The following RAB3C variants were observed in gnomAD, a reference collection of about 807,000 sequenced individuals.
The protein encoded by RAB3C is RAB3C, member RAS oncogene family.
Under a neutral mutation model 26.4 loss-of-function variants are expected in RAB3C, and 17 were observed. The observed-to-expected ratio is 0.64, with a 90% CI of 0.44 to 0.97. The LOEUF is 0.97. RAB3C is among the 50% of genes least tolerant of loss of function. RAB3C has a pLI of 0.00. For synonymous variants in RAB3C, 91 were observed against 95.9 expected (o/e 0.95, Z 0.30); for missense variants, 242 against 281.9 (o/e 0.86, Z 1.01).
At chr5:58,770,495 T>C (rs1374757820) in intron 3 of RAB3C, among the ~76,000 whole-genome samples, 4 of 152,312 alleles carry the variant, frequency 2.6e-5, no homozygotes, top group Admixed American at 2.0e-4. Context: ...GAACCTGTTA[T>C]AAGAAAATGT....
At chr5:58,694,191 T>C (rs1338322737) in intron 2 of RAB3C, among the ~76,000 whole-genome samples, 1 of 152,198 alleles carries the variant, frequency 6.6e-6, no homozygotes, top group African/African-American at 2.4e-5. Flanking sequence ...AGTCTTTGGT[T>C]TCCTGTCCTT....
intron 1 of RAB3C, among the ~76,000 whole-genome samples, chr5:58,613,980 G>A (rs766898546): frequency 1.1e-4 from 17 of 152,090 alleles, no homozygotes; most frequent in Non-Finnish European, 1.6e-4. Flanking sequence ...TTGCTGCTCA[G>A]TGTGAAGGAT....
chr5:58,617,650 C>T lies in RAB3C; in HGVS notation c.32C>T (p.Ser11Phe). 1 of 1,612,678 alleles carries T rather than the reference C, an allele frequency of 6.2e-7. No individual in the cohort carries two copies. Among genetic ancestry groups the T allele is most frequent in the Non-Finnish European group, 8.5e-7 (1 of 1,178,816 alleles). ...GTTTTGTTTTTATCACAGATGGCCT[C>T]TGCCCAAGATGCCAGGTACGGCCAG... MRHEAPMQMA[S>F]AQDARYGQKD... Residue 11 changes from serine (S) to phenylalanine (F), a missense_variant, in exon 2 of 5, where the codon TCT (serine) becomes TTT (phenylalanine). Transcript: ENST00000282878.
chr5:58,584,717 A>G (rs1377844634), intron 1 of RAB3C, among the ~76,000 whole-genome samples: 2 of 152,170 alleles, frequency 1.3e-5, no homozygotes, highest in African/African-American at 4.8e-5. Flanking sequence ...AATAAAAAAG[A>G]TTTCCAAGAA....
At chr5:58,649,772 C>T (rs566801689) in intron 2 of RAB3C, among the ~76,000 whole-genome samples, 23 of 152,184 alleles carry the variant, frequency 1.5e-4, no homozygotes, top group African/African-American at 5.3e-4. Context: ...TCTGGGTGAC[C>T]AATATTATCT....
intron 3 of RAB3C, among the ~76,000 whole-genome samples, chr5:58,797,331 C>A (rs1579923389): frequency 1.1e-5 from 1 of 93,746 alleles, no homozygotes; most frequent in Admixed American, 1.3e-4. Context: ...ATCAGACTCC[C>A]TGGAAGACAA....
intron 4 of RAB3C, among the ~76,000 whole-genome samples, chr5:58,831,708 G>C (rs115832312): frequency 6.6e-6 from 1 of 152,292 alleles, no homozygotes; most frequent in East Asian, 1.9e-4. Context: ...GAATAGCAGG[G>C]ATATCAGGAG....
At chr5:58,805,619 A>G (rs1742924629) in intron 3 of RAB3C, among the ~76,000 whole-genome samples, 1 of 151,746 alleles carries the variant, frequency 6.6e-6, no homozygotes, top group African/African-American at 2.4e-5. Flanking sequence ...GAGAGAGAAA[A>G]AAAGAAAAGG....
chr5:58,851,358 C>A lies in RAB3C; in HGVS notation c.*7C>A, dbSNP rs202223123. ...GCCCAACTGTGCCTGCTAGTGTCCC[C>A]GTGCACACAGGCAGCTCCAGGGGGC... On this transcript the variant is annotated 3_prime_UTR_variant, in exon 5 of 5. Transcript: ENST00000282878. 11 of 1,581,816 alleles carry A rather than the reference C, an allele frequency of 7.0e-6. No individual in the cohort carries two copies. The Admixed American group carries it at 2.1e-4, about 30-fold the overall frequency.
At chr5:58,690,713 T>C (rs1371225867) in intron 2 of RAB3C, among the ~76,000 whole-genome samples, 1 of 152,140 alleles carries the variant, frequency 6.6e-6, no homozygotes, top group Non-Finnish European at 1.5e-5. Flanking sequence ...TACTTTCTGC[T>C]TAGGCTGAGA....
chr5:58,813,460 T>G (rs773216539), intron 3 of RAB3C, among the ~76,000 whole-genome samples: 6 of 151,896 alleles, frequency 4.0e-5, no homozygotes, highest in African/African-American at 7.2e-5. Flanking sequence ...TTATGCACGC[T>G]GCAGGTTGGG....
intron 2 of RAB3C, among the ~76,000 whole-genome samples, chr5:58,630,096 G>C (rs1242139546): frequency 6.6e-6 from 1 of 152,230 alleles, no homozygotes; most frequent in Non-Finnish European, 1.5e-5. Flanking sequence ...AGAGCAGCAA[G>C]AGAGATAGCA....
In RAB3C at chr5:58,756,708, T is replaced by A. The variant is rs1414607358; in HGVS notation, c.371+30588T>A. Among the ~76,000 whole-genome samples, 26 of 139,512 alleles carry A rather than the reference T, an allele frequency of 1.9e-4. No individual in the cohort carries two copies. In the East Asian group the frequency reaches 4.5e-3, roughly 24 times the overall value. 91.5% of individuals were successfully genotyped at this position (139,512 alleles called of 152,430 possible). A position where few individuals can be genotyped will look rare whatever the true frequency, so the allele number is the denominator to read the frequency against. On this transcript the variant is annotated intron_variant, in intron 3 of 4. Coordinates refer to ENST00000282878, the MANE Select transcript of RAB3C (RefSeq NM_138453.4). The stretch of plus-strand genomic sequence containing the variant: ...AAATATGTGATGTTTGGTTTTCTGT[T>A]CCTGTGTTAGCTTGCTGAGGATGAT...
At position 58,691,605 on chromosome 5, in the gene RAB3C, C is replaced by T. The variant is rs567783273; in HGVS notation, c.253-34397C>T. Among the ~76,000 whole-genome samples the T allele has an allele frequency of 8.9e-4, 135 of 152,130 alleles. 3 individuals carry two copies. In the South Asian group the frequency reaches 0.025, roughly 28 times the overall value. On this transcript the variant is annotated intron_variant, in intron 2 of 4. Coordinates refer to ENST00000282878, the MANE Select transcript of RAB3C (RefSeq NM_138453.4). ...TGAGAGACACTGACTGGGACTGAGA[C>T]GGAACAGTCTTGGTACAAAATGTCT...
chr5:58,630,059 A>G (rs1400523789), intron 2 of RAB3C, among the ~76,000 whole-genome samples: 1 of 152,210 alleles, frequency 6.6e-6, no homozygotes, highest in African/African-American at 2.4e-5. Context: ...TCTCACAAAT[A>G]TACCTAACTC....
At chr5:58,768,820 C>T (rs1477603120) in intron 3 of RAB3C, among the ~76,000 whole-genome samples, 15 of 151,992 alleles carry the variant, frequency 9.9e-5, no homozygotes, top group African/African-American at 1.7e-4. Flanking sequence ...CTTTGAGCCA[C>T]GGCTATTCTG....
intron 2 of RAB3C, among the ~76,000 whole-genome samples, chr5:58,700,488 T>G (rs1180873909): frequency 2.0e-5 from 3 of 152,322 alleles, no homozygotes; most frequent in African/African-American, 4.8e-5. Flanking sequence ...TATTTCTGTT[T>G]AGAAACACAA....
At chr5:58,639,197 G>A (rs1164989627) in intron 2 of RAB3C, among the ~76,000 whole-genome samples, 1 of 152,176 alleles carries the variant, frequency 6.6e-6, no homozygotes, top group African/African-American at 2.4e-5. Context: ...ATTGAAATGA[G>A]TGAGCTAGGA....
chr5:58,610,318 T>C (rs1325768562), intron 1 of RAB3C, among the ~76,000 whole-genome samples: 2 of 151,738 alleles, frequency 1.3e-5, no homozygotes, highest in Admixed American at 1.3e-4. Context: ...ACTGCTAAAC[T>C]GTTTGTCAGA....
Sources: gnomAD v4.1 joint callset for allele counts (sites outside exome capture counted in the v4.1 genomes callset) on GRCh38, gnomAD v4.1.1 for gene constraint, MANE v1.5 for transcripts, NCBI Gene and HGNC (gene_info 2026-07-23, HGNC 2026-07-21) for gene names.